Variants in LSAMP observed in about 807,000 individuals in gnomAD.
The protein encoded by LSAMP is limbic system associated membrane protein.
A neutral mutation model predicts 38.6 loss-of-function variants in LSAMP; 7 were observed. The ratio of observed to expected loss-of-function variants is 0.18; its 90% CI spans 0.10 to 0.34. The LOEUF (loss-of-function observed/expected upper bound fraction) is 0.34. LSAMP is among the 10% of genes least tolerant of loss of function. LSAMP has a pLI of 1.00. For missense variants in LSAMP, 313 were observed against 420.0 expected (o/e 0.75, Z 2.23); for synonymous variants, 154 against 166.8 (o/e 0.92, Z 0.59).
At chr3:116,279,431 A>T (rs1214782335) in intron 1 of LSAMP, among the ~76,000 whole-genome samples, 2 of 152,214 alleles carry the variant, frequency 1.3e-5, no homozygotes, top group Non-Finnish European at 2.9e-5. Context: ...TTGTATAAAC[A>T]TCACATCTTC....
intron 3 of LSAMP, among the ~76,000 whole-genome samples, chr3:115,947,514 G>A (rs949605627): frequency 3.9e-5 from 6 of 152,146 alleles, no homozygotes; most frequent in Non-Finnish European, 5.9e-5. Flanking sequence ...TAGTGGTTAC[G>A]TTGGGAGAAG....
At chr3:116,204,224 C>T (rs2046031648) in intron 1 of LSAMP, among the ~76,000 whole-genome samples, 1 of 151,342 alleles carries the variant, frequency 6.6e-6, no homozygotes, top group African/African-American at 2.4e-5. Flanking sequence ...TGTTCATGTC[C>T]TTCGCCCACT....
intron 1 of LSAMP, among the ~76,000 whole-genome samples, chr3:116,330,077 C>T (rs908475169): frequency 2.0e-5 from 3 of 152,024 alleles, no homozygotes; most frequent in East Asian, 3.9e-4. Flanking sequence ...TATTAAAACA[C>T]GTCATACAAG....
At chr3:116,337,496 T>C (rs935503388) in intron 1 of LSAMP, among the ~76,000 whole-genome samples, 5 of 151,994 alleles carry the variant, frequency 3.3e-5, no homozygotes, top group African/African-American at 1.2e-4. Flanking sequence ...TAGCACATAA[T>C]CTCTAACTTT....
At chr3:116,286,556 T>C (rs2047196519) in intron 1 of LSAMP, among the ~76,000 whole-genome samples, 2 of 152,170 alleles carry the variant, frequency 1.3e-5, no homozygotes, top group Non-Finnish European at 2.9e-5. Flanking sequence ...ATGGTTTTAA[T>C]CACTTCTCTT....
At chr3:115,913,226 A>C (rs1052371228) in intron 3 of LSAMP, among the ~76,000 whole-genome samples, 4 of 152,232 alleles carry the variant, frequency 2.6e-5, no homozygotes, top group Non-Finnish European at 1.5e-5. Context: ...AGAGAAAAAA[A>C]CTGGTCTTTA....
intron 1 of LSAMP, among the ~76,000 whole-genome samples, chr3:116,275,819 A>C (rs757236330): frequency 6.6e-6 from 1 of 152,192 alleles, no homozygotes. Context: ...TCATCAATTA[A>C]TTTTATTTCC....
rs1297366832 is a variant in LSAMP at position 116,229,715 on chromosome 3, AAAG to A, written c.156-143162_156-143160del. Among the ~76,000 whole-genome samples, 12 of 152,314 alleles carry A rather than the reference AAAG, an allele frequency of 7.9e-5. No individual in the cohort carries two copies. In the South Asian group the frequency reaches 1.0e-3, roughly 13 times the overall value. On this transcript the variant is annotated intron_variant, in intron 1 of 6. Coordinates refer to ENST00000490035, the MANE Select transcript of LSAMP (RefSeq NM_002338.5). The stretch of plus-strand genomic sequence containing the variant: ...ATATTTAAAAAAGATGACAAAACTC[AAAG>A]AAGATCAGAGATATGGTATCTTTGG...
At chr3:116,443,007 T>C (rs1200744580) in intron 1 of LSAMP, among the ~76,000 whole-genome samples, 1 of 152,228 alleles carries the variant, frequency 6.6e-6, no homozygotes, top group Non-Finnish European at 1.5e-5. Flanking sequence ...GTATAGGAGA[T>C]GCTAACTTAG....
chr3:115,916,733 T>C (rs1576216068), intron 3 of LSAMP, among the ~76,000 whole-genome samples: 1 of 152,246 alleles, frequency 6.6e-6, no homozygotes, highest in Admixed American at 6.5e-5. Context: ...ATCAAGTAGA[T>C]ACTATTCTTC....
intron 1 of LSAMP, among the ~76,000 whole-genome samples, chr3:116,181,222 A>G (rs774123771): frequency 3.3e-5 from 5 of 152,058 alleles, no homozygotes; most frequent in Non-Finnish European, 7.4e-5. Flanking sequence ...TACTTCATCC[A>G]GGTATAACTT....
At chr3:116,001,030 A>G (rs999539464) in intron 3 of LSAMP, among the ~76,000 whole-genome samples, 1 of 152,188 alleles carries the variant, frequency 6.6e-6, no homozygotes, top group Non-Finnish European at 1.5e-5. Context: ...GCACTATATC[A>G]TAGTAAATGA....
intron 3 of LSAMP, among the ~76,000 whole-genome samples, chr3:115,997,039 G>C (rs1939834765): frequency 6.6e-6 from 1 of 152,158 alleles, no homozygotes; most frequent in Non-Finnish European, 1.5e-5. Flanking sequence ...GAGTTACTTA[G>C]TTGTTATAGA....
intron 3 of LSAMP, among the ~76,000 whole-genome samples, chr3:115,858,906 T>C (rs1331538888): frequency 6.6e-6 from 1 of 152,248 alleles, no homozygotes; most frequent in Non-Finnish European, 1.5e-5. Flanking sequence ...TCTTACAGTA[T>C]GTTTCATGTT....
At chr3:115,859,241 A>G (rs1935600263) in intron 3 of LSAMP, among the ~76,000 whole-genome samples, 1 of 152,176 alleles carries the variant, frequency 6.6e-6, no homozygotes, top group South Asian at 2.1e-4. Context: ...AAGAGTGGTA[A>G]AATGATCCCT....
chr3:116,432,255 C>A, intron 1 of LSAMP, among the ~76,000 whole-genome samples: 1 of 151,792 alleles, frequency 6.6e-6, no homozygotes, highest in Non-Finnish European at 1.5e-5. Context: ...ATATTCATGT[C>A]CATATTTTGT....
At chr3:116,303,092 C>CA (rs1022649500) in intron 1 of LSAMP, among the ~76,000 whole-genome samples, 1 of 149,496 alleles carries the variant, frequency 6.7e-6, no homozygotes, top group Non-Finnish European at 1.5e-5. Flanking sequence ...CCATGAATGC[C>CA]AAAAAAATGA....
At chr3:116,127,568 A>G (rs1709034073) in intron 1 of LSAMP, among the ~76,000 whole-genome samples, 1 of 152,202 alleles carries the variant, frequency 6.6e-6, no homozygotes, top group African/African-American at 2.4e-5. Flanking sequence ...CACAAGTACA[A>G]AAATACTCAC....
At chr3:115,984,735 G>A (rs975233638) in intron 3 of LSAMP, among the ~76,000 whole-genome samples, 5 of 152,164 alleles carry the variant, frequency 3.3e-5, no homozygotes, top group Admixed American at 6.5e-5. Context: ...ACACACTATA[G>A]TGCAGTAGAC....
Sources: gnomAD v4.1 joint callset for allele counts (sites outside exome capture counted in the v4.1 genomes callset) on GRCh38, gnomAD v4.1.1 for gene constraint, MANE v1.5 for transcripts, NCBI Gene and HGNC (gene_info 2026-07-23, HGNC 2026-07-21) for gene names.